SYT14: variants seen among roughly 807,000 people sequenced by gnomAD.
The protein encoded by SYT14 is synaptotagmin-14.
In SYT14, 32 loss-of-function variants were observed where a neutral mutation model predicts 74.2. That is an observed-to-expected ratio of 0.43 (90% confidence interval 0.33 to 0.58). SYT14 has a LOEUF of 0.58. Among genes scored for constraint, SYT14 ranks in the 20% least tolerant of loss-of-function variants. SYT14 has a pLI of 0.05. For missense variants in SYT14, 791 were observed against 981.8 expected (o/e 0.81, Z 2.60); for synonymous variants, 298 against 337.7 (o/e 0.88, Z 1.29).
At chr1:210,100,290 T>A in exon 7 of SYT14, 1 of 1,614,110 alleles carries the variant, frequency 6.2e-7, no homozygotes, top group Non-Finnish European at 8.5e-7. Context: ...TTAAATTTAA[T>A]CATGTTGAAT....
intron 1 of SYT14, among the ~76,000 whole-genome samples, chr1:209,951,208 G>A (rs1280905693): frequency 1.3e-5 from 2 of 152,144 alleles, no homozygotes; most frequent in Non-Finnish European, 2.9e-5. Context: ...ATGCTGTGCA[G>A]CAGATCTCTA....
exon 10 of SYT14, chr1:210,165,465 C>G (rs1277302272): frequency 1.3e-5 from 2 of 151,996 alleles, no homozygotes; most frequent in Non-Finnish European, 2.9e-5. Context: ...ACTTATATTC[C>G]AAAAGCATAT....
chr1:210,081,923 C>T (rs1330974599), intron 5 of SYT14, among the ~76,000 whole-genome samples: 1 of 152,100 alleles, frequency 6.6e-6, no homozygotes, highest in Non-Finnish European at 1.5e-5. Flanking sequence ...TATGATTAAG[C>T]ATAGGAATTA....
intron 5 of SYT14, among the ~76,000 whole-genome samples, chr1:210,079,012 C>T (rs2081568615): frequency 6.6e-6 from 1 of 152,048 alleles, no homozygotes. Flanking sequence ...GTCCTGGCCT[C>T]TAAGTGCTGG....
chr1:210,077,785 G>A (rs1479706619), intron 5 of SYT14, among the ~76,000 whole-genome samples: 2 of 151,862 alleles, frequency 1.3e-5, no homozygotes, highest in East Asian at 1.9e-4. Context: ...ATTTTAATGG[G>A]GTATAAAGTG....
At chr1:210,036,419 T>G (rs1297189796) in intron 5 of SYT14, among the ~76,000 whole-genome samples, 2 of 152,100 alleles carry the variant, frequency 1.3e-5, no homozygotes, top group Non-Finnish European at 2.9e-5. Flanking sequence ...TGGATGACCT[T>G]TCTTTCTTTC....
At chr1:210,104,484 T>G (rs1226199724) in intron 7 of SYT14, among the ~76,000 whole-genome samples, 1 of 152,230 alleles carries the variant, frequency 6.6e-6, no homozygotes, top group African/African-American at 2.4e-5. Context: ...CTAGAATGTT[T>G]TCAGTTATCC....
At chr1:210,140,611 C>T (rs116574066) in intron 7 of SYT14, among the ~76,000 whole-genome samples, 1,609 of 152,010 alleles carry the variant, frequency 0.011, 35 homozygotes, top group African/African-American at 0.037. Flanking sequence ...ACTATGTTTT[C>T]TTCTAGTAGT....
intron 7 of SYT14, among the ~76,000 whole-genome samples, chr1:210,148,887 G>A (rs2083099414): frequency 6.6e-6 from 1 of 152,042 alleles, no homozygotes; most frequent in Non-Finnish European, 1.5e-5. Context: ...AGAATAACAT[G>A]AGAAAATTAT....
intron 2 of SYT14, among the ~76,000 whole-genome samples, chr1:210,001,633 A>C (rs2079902092): frequency 6.7e-6 from 1 of 149,742 alleles, no homozygotes; most frequent in African/African-American, 2.4e-5. Context: ...GTATTTTAGA[A>C]GATAAGAGAT....
chr1:210,086,707 CAGTG>C (rs2081740414), intron 5 of SYT14, among the ~76,000 whole-genome samples: 1 of 152,142 alleles, frequency 6.6e-6, no homozygotes, highest in Non-Finnish European at 1.5e-5. Context: ...CAAATCTCCT[CAGTG>C]AGCAAAGCTA....
chr1:209,976,611 C>G (rs7416843), intron 2 of SYT14, among the ~76,000 whole-genome samples: 68,418 of 150,114 alleles, frequency 0.46, 16,865 homozygotes, highest in Non-Finnish European at 0.56. Context: ...GCTGAGGAGT[C>G]CTTTACTTCC....
intron 1 of SYT14, among the ~76,000 whole-genome samples, chr1:209,938,526 C>A (rs972320087): frequency 1.1e-4 from 17 of 151,896 alleles, no homozygotes; most frequent in African/African-American, 1.9e-4. Context: ...CGGCCGCACG[C>A]GGGGCAAAGC....
chr1:210,000,695 A>G (rs1438809867), intron 2 of SYT14, among the ~76,000 whole-genome samples: 2 of 143,040 alleles, frequency 1.4e-5, no homozygotes. Flanking sequence ...GCTCACTGCA[A>G]CCTCTGCCCT....
At chr1:209,998,674 C>T (rs1400043791) in intron 2 of SYT14, among the ~76,000 whole-genome samples, 1 of 151,862 alleles carries the variant, frequency 6.6e-6, no homozygotes, top group East Asian at 1.9e-4. Flanking sequence ...TTGACAAAAG[C>T]CCCAAGAACA....
At chr1:210,129,613 G>A (rs1027901504) in intron 7 of SYT14, among the ~76,000 whole-genome samples, 5 of 152,154 alleles carry the variant, frequency 3.3e-5, no homozygotes, top group South Asian at 4.1e-4. Flanking sequence ...TGATAATAAT[G>A]TTCACTAAAC....
chr1:210,136,058 C>T (rs2082778847), intron 7 of SYT14, among the ~76,000 whole-genome samples: 1 of 152,094 alleles, frequency 6.6e-6, no homozygotes, highest in African/African-American at 2.4e-5. Context: ...ATGGCTGAGA[C>T]AAATTCACTG....
intron 2 of SYT14, among the ~76,000 whole-genome samples, chr1:209,975,687 A>T (rs1030449253): frequency 2.0e-5 from 3 of 152,196 alleles, no homozygotes; most frequent in African/African-American, 7.2e-5. Context: ...TGTCTCTGCC[A>T]GGCTTTGGTA....
chr1:210,115,688 G>T (rs2082346195), intron 7 of SYT14, among the ~76,000 whole-genome samples: 2 of 151,312 alleles, frequency 1.3e-5, no homozygotes, highest in Admixed American at 1.3e-4. Context: ...AGAGTAAAAA[G>T]AGGCCACTTA....
Sources: gnomAD v4.1 joint callset for allele counts (sites outside exome capture counted in the v4.1 genomes callset) on GRCh38, gnomAD v4.1.1 for gene constraint, MANE v1.5 for transcripts, NCBI Gene and HGNC (gene_info 2026-07-23, HGNC 2026-07-21) for gene names.